The following REEP5 variants were observed in gnomAD, a reference collection of about 807,000 sequenced individuals.
REEP5 encodes receptor accessory protein 5.
In REEP5, 24 loss-of-function variants were observed where a neutral mutation model predicts 22.4. That is an observed-to-expected ratio of 1.07 (90% confidence interval 0.78 to 1.51). The LOEUF (loss-of-function observed/expected upper bound fraction) is 1.51. Among genes scored for constraint, REEP5 ranks in the 40% most tolerant of loss-of-function variants. The pLI is 0.00. For missense variants in REEP5, 252 were observed against 233.0 expected, an observed-to-expected ratio of 1.08 and a Z score of -0.53; for synonymous variants, 103 against 88.6, an observed-to-expected ratio of 1.16 and a Z score of -0.92.
chr5:112,877,542 G>A lies in REEP5; in HGVS notation c.*1244C>T, dbSNP rs189728226. The A allele has an allele frequency of 2.6e-5, 4 of 152,200 alleles. No individual in the cohort carries two copies. Among genetic ancestry groups the A allele is most frequent in the East Asian group, 3.9e-4 (2 of 5,184 alleles). The allele number at this position is 152,200 out of a possible 1,614,324, so 9.4% of individuals were successfully genotyped here. On this transcript the variant is annotated 3_prime_UTR_variant, in exon 5 of 5. Transcript: ENST00000379638. ...TGCAGCTTATCAACACAAAGAATAC[G>A]GATGAGGGCATTTAAATGGACTACA... is the stretch of plus-strand genomic sequence containing the variant.
chr5:112,905,557 A>C (rs547654779), intron 2 of REEP5, among the ~76,000 whole-genome samples: 4 of 118,552 alleles, frequency 3.4e-5, no homozygotes, highest in East Asian at 4.1e-4. Context: ...AAAACAAAAC[A>C]AAAAAAAAAC....
chr5:112,908,101 G>GTTTTT (rs1047059353), intron 2 of REEP5, among the ~76,000 whole-genome samples: 1 of 83,896 alleles, frequency 1.2e-5, no homozygotes. Context: ...TTTGTTTTTT[G>GTTTTT]TTTTTTTTTT....
In REEP5 at chr5:112,878,592, T is replaced by G. The variant is rs1767967243; in HGVS notation, c.*194A>C. Reference sequence around the variant, plus strand: ...AAAAACGTGGACACTGCCCACTGCATTAAGTTTAAAGTGCTCCCTATATAT... The same window carrying G: ...AAAAACGTGGACACTGCCCACTGCAGTAAGTTTAAAGTGCTCCCTATATAT... On this transcript the variant is annotated 3_prime_UTR_variant, in exon 5 of 5. Transcript: ENST00000379638. The G allele has an allele frequency of 2.6e-6, 2 of 765,456 alleles. No homozygotes were observed. The highest frequency in any genetic ancestry group is 4.9e-5 in the South Asian group (2 of 40,784). 47.4% of individuals were successfully genotyped at this position (765,456 alleles called of 1,614,324 possible). A position where few individuals can be genotyped will look rare whatever the true frequency, so the allele number is the denominator to read the frequency against.
At chr5:112,892,015 G>A (rs1449328035) in intron 3 of REEP5, 1 of 1,310,334 alleles carries the variant, frequency 7.6e-7, no homozygotes, top group Admixed American at 1.7e-5. Context: ...AGAGAGAGAA[G>A]AGGAGGAGCA....
intron 3 of REEP5, chr5:112,898,437 G>C (rs888133856): frequency 1.3e-5 from 2 of 152,224 alleles, no homozygotes; most frequent in African/African-American, 4.8e-5. Context: ...AAGAAAGTCT[G>C]CTACAAAGCA....
At position 112,902,495 on chromosome 5, in the gene REEP5, T is replaced by C. The variant is rs749829386; in HGVS notation, c.236A>G (p.Asn79Ser). 3.7e-5 allele frequency: 59 copies of C among 1,608,450 alleles called. No individual in the cohort carries two copies. The highest frequency in any genetic ancestry group is 4.7e-5 in the Non-Finnish European group (55 of 1,178,298). The change falls in exon 3 of 5, where the codon AAC becomes AGC. Residue 79 changes from asparagine (N) to serine (S), a missense_variant. Coordinates refer to ENST00000379638, the MANE Select transcript of REEP5 (RefSeq NM_005669.5). ...CAGCCACTGGGTATCATCTTCTTTG[T>C]TGGGACTCTCTATAGCTTTAATTCT... ...YISIKAIESP[N>S]KEDDTQWLTY...
chr5:112,891,937 G>A, intron 3 of REEP5: 2 of 1,241,140 alleles, frequency 1.6e-6, no homozygotes, highest in Non-Finnish European at 2.4e-6. Context: ...AAAGGAAGAG[G>A]CGGCTAAAAA....
chr5:112,903,126 C>T (rs963974301), intron 2 of REEP5, among the ~76,000 whole-genome samples: 1 of 152,122 alleles, frequency 6.6e-6, no homozygotes, highest in Non-Finnish European at 1.5e-5. Context: ...CTTTCCCAAC[C>T]CTAACTATTG....
chr5:112,908,676 C>T (rs921911217), intron 2 of REEP5, among the ~76,000 whole-genome samples: 22 of 151,438 alleles, frequency 1.5e-4, no homozygotes, highest in South Asian at 2.1e-4. Flanking sequence ...CAGGTGCCCA[C>T]GACAGCGCCC....
chr5:112,893,709 A>G (rs1378449096), intron 3 of REEP5: 1 of 152,256 alleles, frequency 6.6e-6, no homozygotes, highest in African/African-American at 2.4e-5. Context: ...TGAATGTGCA[A>G]TCATGCAAAA....
At chr5:112,908,603 G>A (rs1769019358) in intron 2 of REEP5, among the ~76,000 whole-genome samples, 1 of 151,810 alleles carries the variant, frequency 6.6e-6, no homozygotes, top group African/African-American at 2.4e-5. Context: ...TCGGCTTACT[G>A]CAAGCTCTGC....
intron 4 of REEP5, chr5:112,885,227 G>C (rs1478231047): frequency 6.1e-6 from 1 of 165,178 alleles, no homozygotes; most frequent in Non-Finnish European, 1.3e-5. Context: ...GGAGCCCCAA[G>C]GAGAAGGCAC....
rs1659050534 is a variant in REEP5, at chr5:112,902,513, T to C, written c.218A>G (p.Lys73Arg). ...GFGYPAYISI[K>R]AIESPNKEDD... The stretch of plus-strand genomic sequence containing the variant: ...TTCTTTGTTGGGACTCTCTATAGCT[T>C]TAATTCTGAAAGGCAGTACAAAAGA... Residue 73 changes from lysine to arginine, a missense_variant, in exon 3 of 5, where the codon AAA becomes AGA. Lys to Arg is a conservative substitution (Grantham distance 26). Transcript: ENST00000379638. The C allele has an allele frequency of 6.3e-7, 1 of 1,584,708 alleles. No individual in the cohort carries two copies. Among genetic ancestry groups the C allele is most frequent in the Non-Finnish European group, 8.5e-7 (1 of 1,170,686 alleles).
At chr5:112,900,146 T>C (rs1768809733) in intron 3 of REEP5, among the ~76,000 whole-genome samples, 1 of 152,244 alleles carries the variant, frequency 6.6e-6, no homozygotes, top group Non-Finnish European at 1.5e-5. Flanking sequence ...CATTCATATT[T>C]TTTCTCTTCC....
rs546625160 is a variant in REEP5, at chr5:112,921,083, C to T, written c.212+80G>A. The stretch of plus-strand genomic sequence containing the variant: ...GCTTTCACTTTTCTCCCGGGAATTG[C>T]GGATGTGCAGTCTACTGCAGCAGCC... On this transcript the variant is annotated intron_variant, in intron 2 of 4. Transcript: ENST00000379638. 1.1e-5 allele frequency: 15 copies of T among 1,353,494 alleles called. No individual in the cohort carries two copies. In the South Asian group the frequency reaches 1.6e-4, roughly 15 times the overall value. 83.8% of individuals were successfully genotyped at this position (1,353,494 alleles called of 1,614,324 possible).
At chr5:112,887,948 C>G (rs1364246517) in intron 3 of REEP5, among the ~76,000 whole-genome samples, 1 of 152,092 alleles carries the variant, frequency 6.6e-6, no homozygotes, top group Non-Finnish European at 1.5e-5. Flanking sequence ...AAAAGAAAAG[C>G]AGAAGGAAAA....
intron 2 of REEP5, among the ~76,000 whole-genome samples, chr5:112,911,393 A>G (rs1769099115): frequency 6.6e-6 from 1 of 152,238 alleles, no homozygotes; most frequent in South Asian, 2.1e-4. Flanking sequence ...TAAGCTCGGT[A>G]TTGGTCAAAA....
chr5:112,880,033 C>G (rs188643575), intron 4 of REEP5, among the ~76,000 whole-genome samples: 20 of 152,076 alleles, frequency 1.3e-4, no homozygotes, highest in Non-Finnish European at 2.9e-4. Flanking sequence ...TGTATTTATA[C>G]TCTTATTGTG....
In REEP5 at chr5:112,921,208, G is replaced by A. The variant is rs1473128416; in HGVS notation, c.167C>T (p.Ser56Phe). ...AAATCCTATCAGGTTGCAGAGGAGA[G>A]AGGCTCCATAACCGAACACCAGGTA... The part of the protein sequence containing the change: ...ALYLVFGYGA[S>F]LLCNLIGFGY... The change falls in exon 2 of 5, where the codon TCT becomes TTT. Residue 56 changes from serine to phenylalanine, a missense_variant. Transcript: ENST00000379638. 6.2e-7 allele frequency: 1 copy of A among 1,614,044 alleles called. No homozygotes were observed. Among genetic ancestry groups the A allele is most frequent in the Non-Finnish European group, 8.5e-7 (1 of 1,180,040 alleles).
Sources: allele counts gnomAD v4.1 joint callset (sites outside exome capture counted in the v4.1 genomes callset), GRCh38; gene constraint gnomAD v4.1.1; transcripts MANE v1.5; gene names NCBI Gene and HGNC (gene_info 2026-07-23, HGNC 2026-07-21).